The following NF1 variants were observed in gnomAD, a reference collection of about 807,000 sequenced individuals.
NF1 encodes the protein neurofibromin 1.
In NF1, 122 loss-of-function variants were observed where a neutral mutation model predicts 325.7. The observed-to-expected ratio is 0.37, with a 90% CI of 0.32 to 0.44. The LOEUF is 0.44. NF1 is among the 20% of genes least tolerant of loss of function. The pLI, the probability that NF1 is intolerant of heterozygous loss-of-function variation, is 1.00. For synonymous variants in NF1, 1,091 were observed against 1,186.0 expected, an observed-to-expected ratio of 0.92 and a Z score of 1.65; for missense variants, 2,140 against 3,415.4, an observed-to-expected ratio of 0.63 and a Z score of 9.31.
Position 31,376,871 on chromosome 17 carries a change from A to G in NF1, c.*2716A>G, listed in dbSNP as rs2070738967. ...CCCAGATGGAGATGCAGTTCAGTAG[A>G]TTTGGGGCAAAGTGGCTACAGCTCT... On this transcript the variant is annotated 3_prime_UTR_variant, in exon 58 of 58. Coordinates refer to ENST00000358273, the MANE Select transcript of NF1 (RefSeq NM_001042492.3). 4.3e-6 allele frequency: 1 copy of G among 233,250 alleles called. No homozygotes were observed. Among genetic ancestry groups the G allele is most frequent in the Non-Finnish European group, 8.5e-6 (1 of 118,056 alleles). 14.4% of individuals were successfully genotyped at this position (233,250 alleles called of 1,614,324 possible). A position where few individuals can be genotyped will look rare whatever the true frequency, so the allele number is the denominator to read the frequency against.
chr17:31,265,687 T>C (rs1172607522), intron 36 of NF1, among the ~76,000 whole-genome samples: 14 of 152,146 alleles, frequency 9.2e-5, no homozygotes, highest in East Asian at 1.9e-4. Flanking sequence ...GGGAACTTTT[T>C]TTAAAGGAAG....
intron 31 of NF1, chr17:31,257,745 A>ATTT (rs1403090773): frequency 1.3e-5 from 2 of 152,274 alleles, no homozygotes; most frequent in Non-Finnish European, 2.9e-5. Flanking sequence ...TTGTATTATA[A>ATTT]AGGAAGCTGT....
intron 1 of NF1, among the ~76,000 whole-genome samples, chr17:31,119,877 C>T (rs990455031): frequency 9.2e-5 from 14 of 152,150 alleles, no homozygotes; most frequent in Admixed American, 8.5e-4. Flanking sequence ...ATCCTTTCCC[C>T]ATTGCTTGTT....
intron 36 of NF1, among the ~76,000 whole-genome samples, chr17:31,320,187 C>G (rs1424566579): frequency 6.6e-6 from 1 of 151,986 alleles, no homozygotes; most frequent in Non-Finnish European, 1.5e-5. Flanking sequence ...TCTTGAGCTA[C>G]TTTTGAAAGG....
At chr17:31,316,329 G>A (rs2069019805) in intron 36 of NF1, among the ~76,000 whole-genome samples, 1 of 152,066 alleles carries the variant, frequency 6.6e-6, no homozygotes, top group Non-Finnish European at 1.5e-5. Context: ...CATTTGGAAA[G>A]GAAACACTTC....
chr17:31,338,834 TC>T, intron 46 of NF1, 29 bp downstream of exon 46: 1 of 1,352,008 alleles, frequency 7.4e-7, no homozygotes, highest in South Asian at 1.2e-5. Context: ...ATGAGTGCAT[TC>T]ATTTTGGGTA....
At chr17:31,328,758 G>C (rs1263387253) in intron 38 of NF1, among the ~76,000 whole-genome samples, 1 of 152,032 alleles carries the variant, frequency 6.6e-6, no homozygotes, top group Non-Finnish European at 1.5e-5. Flanking sequence ...ACATAGCCCA[G>C]GTTTTATAGT....
intron 1 of NF1, chr17:31,137,506 A>G (rs369941412): frequency 2.0e-5 from 3 of 152,208 alleles, no homozygotes; most frequent in East Asian, 3.9e-4. Context: ...ATAGGGTCAA[A>G]CCTGTTAATC....
At chr17:31,206,193 A>T (rs758921622) in intron 11 of NF1, 47 bp from the exon 12 acceptor site, 3 of 1,608,918 alleles carry the variant, frequency 1.9e-6, no homozygotes, top group Non-Finnish European at 1.7e-6. Context: ...CATACAACTC[A>T]CGTAATTTTG....
chr17:31,144,776 C>T (rs1232920973), intron 1 of NF1, among the ~76,000 whole-genome samples: 1 of 152,190 alleles, frequency 6.6e-6, no homozygotes, highest in Non-Finnish European at 1.5e-5. Flanking sequence ...TGGCCTGGAA[C>T]TACACAGTGT....
chr17:31,314,421 T>A (rs2068968982), intron 36 of NF1: 1 of 158,636 alleles, frequency 6.3e-6, no homozygotes. Flanking sequence ...TTTACTTGTA[T>A]GACCTTAGGC....
Position 31,169,479 on chromosome 17 carries a change from C to G in NF1, c.480-412C>G, listed in dbSNP as rs1207394535. 2.0e-5 allele frequency among the ~76,000 whole-genome samples: 3 copies of G among 152,094 alleles called. No homozygotes were observed. The East Asian group carries it at 5.8e-4, about 29-fold the overall frequency. On this transcript the variant is annotated intron_variant, in intron 4 of 57. Coordinates refer to ENST00000358273, the MANE Select transcript of NF1 (RefSeq NM_001042492.3). Reference sequence around the variant, plus strand: ...CCTTATTTTTATATATGTCTTTACTCTTATGAACTCATCTTTGGGGGAAGA... The same window carrying G: ...CCTTATTTTTATATATGTCTTTACTGTTATGAACTCATCTTTGGGGGAAGA...
chr17:31,179,832 A>G (rs1157551373), intron 5 of NF1, among the ~76,000 whole-genome samples: 7 of 152,112 alleles, frequency 4.6e-5, no homozygotes, highest in Non-Finnish European at 2.9e-5. Context: ...TGAAAAGATC[A>G]ACAAAATAAA....
chr17:31,132,440 C>T (rs867831849), intron 1 of NF1, among the ~76,000 whole-genome samples: 8 of 151,748 alleles, frequency 5.3e-5, no homozygotes, highest in South Asian at 2.1e-4. Context: ...CTCAGGAGGC[C>T]GAGGCAGGAG....
intron 40 of NF1, among the ~76,000 whole-genome samples, chr17:31,335,274 T>TTATATACATATATATATATA (rs1325370174): frequency 3.0e-3 from 20 of 6,700 alleles, no homozygotes; most frequent in Non-Finnish European, 5.5e-3. Flanking sequence ...CAAGGCATAA[T>TTATATACATATATATATATA]TATATATATA....
rs372620162 is a variant in NF1, at chr17:31,146,205, CCAGGCT to C, written c.61-9775_61-9770del. On this transcript the variant is annotated intron_variant, in intron 1 of 57. Coordinates refer to ENST00000358273, the MANE Select transcript of NF1 (RefSeq NM_001042492.3). ...CTTATCTGAGGCTTGGGGTTCTCTT[CCAGGCT>C]CATTGGTTGTTGGCAGACGGTTCAG... Among the ~76,000 whole-genome samples the C allele has an allele frequency of 3.2e-3, 484 of 152,214 alleles. 8 individuals carry two copies. The highest frequency in any genetic ancestry group is 0.011 in the African/African-American group (455 of 41,522).
chr17:31,224,853 A>T (rs2066985221), intron 16 of NF1, among the ~76,000 whole-genome samples: 1 of 152,180 alleles, frequency 6.6e-6, no homozygotes, highest in South Asian at 2.1e-4. Context: ...GACTTAATTT[A>T]TATTTGTAGA....
intron 8 of NF1, among the ~76,000 whole-genome samples, chr17:31,184,672 AT>A (rs1344067590): frequency 6.7e-6 from 1 of 149,340 alleles, no homozygotes; most frequent in Non-Finnish European, 1.5e-5. Flanking sequence ...AAAAAAAAAA[AT>A]AAAAAAATAA....
At chr17:31,138,126 A>T (rs893727066) in intron 1 of NF1, 1 of 151,154 alleles carries the variant, frequency 6.6e-6, no homozygotes, top group Non-Finnish European at 1.5e-5. Context: ...CTTATTTATT[A>T]ATTTTTTTCT....
Sources: allele counts gnomAD v4.1 joint callset (sites outside exome capture counted in the v4.1 genomes callset), GRCh38; gene constraint gnomAD v4.1.1; transcripts MANE v1.5; gene names NCBI Gene and HGNC (gene_info 2026-07-23, HGNC 2026-07-21).